Variants in MAN1A1 observed in about 807,000 individuals in gnomAD.
MAN1A1 encodes mannosyl-oligosaccharide 1,2-alpha-mannosidase IA.
Under a neutral mutation model 70.8 loss-of-function variants are expected in MAN1A1, and 29 were observed. The ratio of observed to expected loss-of-function variants is 0.41; its 90% CI spans 0.31 to 0.56. MAN1A1 has a LOEUF of 0.56. Ranked by LOEUF, MAN1A1 falls within the 20% of genes least tolerant of loss-of-function variation. The pLI is 0.29. For missense variants in MAN1A1, 747 were observed against 841.3 expected, an observed-to-expected ratio of 0.89 and a Z score of 1.39; for synonymous variants, 349 against 330.1, an observed-to-expected ratio of 1.06 and a Z score of -0.62.
At chr6:119,283,734 G>A (rs1776282314) in intron 5 of MAN1A1, among the ~76,000 whole-genome samples, 1 of 152,112 alleles carries the variant, frequency 6.6e-6, no homozygotes, top group Admixed American at 6.5e-5. Flanking sequence ...GTTATACAGT[G>A]GAAGGTCCAT....
chr6:119,342,145 G>GT (rs1379135376), intron 2 of MAN1A1, among the ~76,000 whole-genome samples: 1 of 152,110 alleles, frequency 6.6e-6, no homozygotes, highest in Non-Finnish European at 1.5e-5. Flanking sequence ...AGATACTTAA[G>GT]TTTTTTTGGA....
chr6:119,309,423 GAT>G (rs2114454918), intron 2 of MAN1A1, among the ~76,000 whole-genome samples: 1 of 152,290 alleles, frequency 6.6e-6, no homozygotes, highest in African/African-American at 2.4e-5. Flanking sequence ...TGGCGATGAG[GAT>G]AAAGTCATTT....
chr6:119,272,653 G>A (rs1775956344), intron 5 of MAN1A1, among the ~76,000 whole-genome samples: 1 of 152,044 alleles, frequency 6.6e-6, no homozygotes, highest in African/African-American at 2.4e-5. Context: ...AATGGTTAAG[G>A]AAAATGAAGA....
At chr6:119,186,518 G>A (rs1272468149) in intron 11 of MAN1A1, among the ~76,000 whole-genome samples, 1 of 152,178 alleles carries the variant, frequency 6.6e-6, no homozygotes, top group East Asian at 1.9e-4. Context: ...CATGTAGCAT[G>A]CATTCCAGAA....
chr6:119,234,851 C>A (rs1435116916), intron 6 of MAN1A1, among the ~76,000 whole-genome samples: 1 of 152,174 alleles, frequency 6.6e-6, no homozygotes, highest in African/African-American at 2.4e-5. Context: ...AACCCTGTGT[C>A]AAGTCTATTG....
chr6:119,316,845 CTAAT>C (rs1315297631), intron 2 of MAN1A1, among the ~76,000 whole-genome samples: 2 of 151,708 alleles, frequency 1.3e-5, no homozygotes. Flanking sequence ...AATAAAGTTA[CTAAT>C]TATTTAGTGA....
chr6:119,343,343 C>T (rs1161335756), intron 2 of MAN1A1, among the ~76,000 whole-genome samples: 1 of 152,190 alleles, frequency 6.6e-6, no homozygotes, highest in Non-Finnish European at 1.5e-5. Flanking sequence ...CTCTGCAACT[C>T]AACTCTGCCA....
At chr6:119,266,706 A>G (rs1775764155) in intron 5 of MAN1A1, among the ~76,000 whole-genome samples, 1 of 152,214 alleles carries the variant, frequency 6.6e-6, no homozygotes, top group Admixed American at 6.5e-5. Context: ...GTATGACACT[A>G]AAAGCATGAT....
intron 8 of MAN1A1, among the ~76,000 whole-genome samples, chr6:119,200,041 C>T (rs1773674899): frequency 6.6e-6 from 1 of 152,060 alleles, no homozygotes; most frequent in Non-Finnish European, 1.5e-5. Context: ...GTGTAAATAT[C>T]AACACATTAG....
chr6:119,212,859 C>T (rs760944082), intron 6 of MAN1A1, among the ~76,000 whole-genome samples: 1 of 152,182 alleles, frequency 6.6e-6, no homozygotes, highest in Non-Finnish European at 1.5e-5. Context: ...GGAACGGATT[C>T]ATTCCTTGAT....
intron 6 of MAN1A1, among the ~76,000 whole-genome samples, chr6:119,221,096 G>A (rs1774347708): frequency 6.6e-6 from 1 of 150,662 alleles, no homozygotes; most frequent in South Asian, 2.1e-4. Flanking sequence ...ACAGTTACAA[G>A]CCCAGTGCTT....
At chr6:119,206,099 G>A (rs1176047323) in intron 6 of MAN1A1, among the ~76,000 whole-genome samples, 1 of 152,158 alleles carries the variant, frequency 6.6e-6, no homozygotes, top group African/African-American at 2.4e-5. Flanking sequence ...GAGTTGGTGA[G>A]GAAAAAATGA....
intron 4 of MAN1A1, among the ~76,000 whole-genome samples, chr6:119,300,638 A>G (rs901517219): frequency 3.9e-5 from 6 of 152,172 alleles, no homozygotes; most frequent in African/African-American, 1.4e-4. Context: ...AGCTCTATCA[A>G]TATCAGCACT....
rs1210256784 is a variant in MAN1A1, at chr6:119,251,285, G to C, written c.898-2931C>G. Among the ~76,000 whole-genome samples the C allele has an allele frequency of 6.6e-5, 10 of 152,118 alleles. 1 individual carries two copies. In the South Asian group the frequency reaches 2.1e-3, roughly 32 times the overall value. ...TGTTGTCTAACATCGGGTCAAATCT[G>C]CTCTACTAACGGTTCAACCACCTCT... On this transcript the variant is annotated intron_variant, in intron 5 of 12. Coordinates refer to ENST00000368468, the MANE Select transcript of MAN1A1 (RefSeq NM_005907.4).
intron 6 of MAN1A1, among the ~76,000 whole-genome samples, chr6:119,245,777 C>T (rs540467460): frequency 7.2e-5 from 11 of 152,222 alleles, no homozygotes; most frequent in Admixed American, 3.3e-4. Flanking sequence ...AGTTTAACTT[C>T]AAAACATCAG....
rs969845405 is a variant in MAN1A1 at position 119,303,532 on chromosome 6, A to G, written c.701-1429T>C. Among the ~76,000 whole-genome samples, 3 of 152,288 alleles carry G rather than the reference A, an allele frequency of 2.0e-5. No individual in the cohort carries two copies. The South Asian group carries it at 6.2e-4, about 32-fold the overall frequency. ...TAGTCTTAAAATATCCCCTTGAAAC[A>G]TGCTTTGAAACTTCACTCCCCTTTC... On this transcript the variant is annotated intron_variant, in intron 3 of 12. Transcript: ENST00000368468.
intron 5 of MAN1A1, among the ~76,000 whole-genome samples, chr6:119,259,535 C>T (rs1775550286): frequency 1.3e-5 from 2 of 152,122 alleles, no homozygotes; most frequent in East Asian, 3.8e-4. Flanking sequence ...ACACCTAATA[C>T]CATTAGGCAG....
intron 2 of MAN1A1, among the ~76,000 whole-genome samples, chr6:119,312,000 G>A (rs1772720617): frequency 6.6e-6 from 1 of 152,160 alleles, no homozygotes; most frequent in Non-Finnish European, 1.5e-5. Context: ...CCTGCAGTGA[G>A]GAAATAACCT....
chr6:119,304,718 C>T (rs774084529), intron 3 of MAN1A1, among the ~76,000 whole-genome samples: 2 of 152,148 alleles, frequency 1.3e-5, no homozygotes, highest in Admixed American at 1.3e-4. Context: ...AGCTCCCCAA[C>T]GGCTAATAAC....
Sources: allele counts gnomAD v4.1 joint callset (sites outside exome capture counted in the v4.1 genomes callset), GRCh38; gene constraint gnomAD v4.1.1; transcripts MANE v1.5; gene names NCBI Gene and HGNC (gene_info 2026-07-23, HGNC 2026-07-21).